MTCL1: variants seen among roughly 807,000 people sequenced by gnomAD.
MTCL1 encodes the protein microtubule crosslinking factor 1.
Under a neutral mutation model 141.4 loss-of-function variants are expected in MTCL1, and 79 were observed. The ratio of observed to expected loss-of-function variants is 0.56; its 90% CI spans 0.47 to 0.67. The LOEUF (loss-of-function observed/expected upper bound fraction) is 0.67, where lower values mean the gene tolerates loss of function less well. MTCL1 is among the 30% of genes least tolerant of loss of function. The pLI, the probability that MTCL1 is intolerant of heterozygous loss-of-function variation, is 0.00. For synonymous variants in MTCL1, 914 were observed against 875.8 expected, an observed-to-expected ratio of 1.04 and a Z score of -0.77; for missense variants, 2,177 against 2,113.9, an observed-to-expected ratio of 1.03 and a Z score of -0.59.
intron 7 of MTCL1, among the ~76,000 whole-genome samples, chr18:8,791,004 G>A (rs754053054): frequency 6.6e-6 from 1 of 152,158 alleles, no homozygotes; most frequent in African/African-American, 2.4e-5. Flanking sequence ...GACAGAGCGA[G>A]ACCCTGTCTC....
At chr18:8,782,217 A>G (rs2096534959) in intron 5 of MTCL1, 1 of 152,150 alleles carries the variant, frequency 6.6e-6, no homozygotes, top group Non-Finnish European at 1.5e-5. Context: ...TGTTCCACAG[A>G]AGGGGCGACA....
At position 8,736,965 on chromosome 18, in the gene MTCL1, T is replaced by G. The variant is rs1041143269; in HGVS notation, c.357+16469T>G. The stretch of plus-strand genomic sequence containing the variant: ...TATCCATCTATTTTTAAAGTTCCCT[T>G]GGATAAGCCCTATTATGCAAATATT... On this transcript the variant is annotated intron_variant, in intron 4 of 16. Coordinates refer to ENST00000359865, the Ensembl canonical transcript of MTCL1. 1.8e-4 allele frequency among the ~76,000 whole-genome samples: 27 copies of G among 152,160 alleles called. 1 individual carries two copies. The highest frequency in any genetic ancestry group is 4.4e-5 in the Non-Finnish European group (3 of 68,030).
rs1227085654 is a variant in MTCL1, at chr18:8,831,710, C to T, written c.*122C>T. On this transcript the variant is annotated 3_prime_UTR_variant, in exon 17 of 17. Coordinates refer to ENST00000359865, the Ensembl canonical transcript of MTCL1. ...CCGTCCCGTTGGGCCCCACATTCCC[C>T]CACTGCCTCACAGCCTCAGTCACCC... is the stretch of plus-strand genomic sequence containing the variant. 7.1e-6 allele frequency: 11 copies of T among 1,550,662 alleles called. No individual in the cohort carries two copies. The South Asian group carries it at 1.1e-4, about 15-fold the overall frequency.
chr18:8,784,468 G>T, exon 6 of MTCL1: 1 of 1,552,626 alleles, frequency 6.4e-7, no homozygotes, highest in Non-Finnish European at 8.7e-7. Flanking sequence ...AGGACTCTGA[G>T]TACCTAGTGA....
At chr18:8,789,185 CAA>C (rs1345692886) in intron 7 of MTCL1, among the ~76,000 whole-genome samples, 3 of 152,236 alleles carry the variant, frequency 2.0e-5, no homozygotes, top group African/African-American at 7.2e-5. Context: ...AGGAAGCACA[CAA>C]AGCACTCACA....
At chr18:8,793,094 G>C in exon 8 of MTCL1, 1 of 1,614,136 alleles carries the variant, frequency 6.2e-7, no homozygotes. Flanking sequence ...AGAGGAGACA[G>C]AGACATTTAC....
chr18:8,774,696 C>G (rs1372989316), intron 4 of MTCL1, among the ~76,000 whole-genome samples: 1 of 152,216 alleles, frequency 6.6e-6, no homozygotes, highest in African/African-American at 2.4e-5. Context: ...CCGTGTTGGC[C>G]AGGCCAGTGT....
chr18:8,714,038 C>A (rs2096111113), upstream of MTCL1, among the ~76,000 whole-genome samples: 1 of 152,228 alleles, frequency 6.6e-6, no homozygotes, highest in South Asian at 2.1e-4. Flanking sequence ...TTTGTGTCGT[C>A]ACTTGTCGAG....
chr18:8,717,434 C>G (rs1378197145), intron 1 of MTCL1: 2 of 152,354 alleles, frequency 1.3e-5, no homozygotes, highest in African/African-American at 4.8e-5. Flanking sequence ...AAGGTGCGAG[C>G]AGTCTCAGAC....
At chr18:8,829,284 C>T in intron 16 of MTCL1, 1 of 985,434 alleles carries the variant, frequency 1.0e-6, no homozygotes, top group Non-Finnish European at 1.2e-6. Context: ...GAGGGGACAT[C>T]CTAGGCACAG....
At chr18:8,729,671 CAAATATATATATATATATATATAT>C (rs1480849069) in intron 4 of MTCL1, among the ~76,000 whole-genome samples, 11 of 128,060 alleles carry the variant, frequency 8.6e-5, no homozygotes, top group African/African-American at 2.8e-4. Flanking sequence ...CCCAAGAAGA[CAAATATATATATATATATATATAT>C]ATATATATAT....
intron 5 of MTCL1, among the ~76,000 whole-genome samples, chr18:8,780,226 A>T (rs2096528142): frequency 6.6e-6 from 1 of 152,182 alleles, no homozygotes; most frequent in South Asian, 2.1e-4. Flanking sequence ...GTGAACAAGG[A>T]GGGACCAGGC....
intron 16 of MTCL1, chr18:8,829,148 C>T (rs2077119354): frequency 2.0e-6 from 2 of 985,356 alleles, no homozygotes; most frequent in South Asian, 4.7e-5. Flanking sequence ...CTCATCTGCT[C>T]TGCTAGAGGG....
intron 11 of MTCL1, among the ~76,000 whole-genome samples, chr18:8,808,262 A>G (rs1431586870): frequency 6.6e-6 from 1 of 152,196 alleles, no homozygotes; most frequent in Non-Finnish European, 1.5e-5. Context: ...AGAAATGACT[A>G]AGGACAGTCT....
intron 6 of MTCL1, 144 bp from the exon 6 acceptor site, chr18:8,785,792 G>C (rs2096551159): frequency 2.1e-6 from 2 of 932,982 alleles, no homozygotes; most frequent in African/African-American, 3.3e-5. Flanking sequence ...GCTGTTCTTT[G>C]GTCGTTTTCT....
Position 8,774,251 on chromosome 18 carries a change from C to T in MTCL1, c.358-3582C>T, listed in dbSNP as rs978366988. On this transcript the variant is annotated intron_variant, in intron 4 of 16. Transcript: ENST00000359865. ...CACAAACACATACACACACTCTTTTCGAATGTGTGTGTGTGTGTGTGTGTA... is the reference window on the plus strand; with the variant it reads ...CACAAACACATACACACACTCTTTTTGAATGTGTGTGTGTGTGTGTGTGTA... Among the ~76,000 whole-genome samples the T allele has an allele frequency of 2.3e-4, 24 of 104,954 alleles. No individual in the cohort carries two copies. The South Asian group carries it at 7.0e-3, about 31-fold the overall frequency. 68.9% of individuals were successfully genotyped at this position (104,954 alleles called of 152,430 possible).
chr18:8,818,939 A>G (rs2076750742), intron 12 of MTCL1, 24 bp from the exon 12 acceptor site: 2 of 1,592,194 alleles, frequency 1.3e-6, no homozygotes, highest in South Asian at 1.1e-5. Flanking sequence ...GAGGCTAATT[A>G]TTTTCATTTT....
intron 8 of MTCL1, among the ~76,000 whole-genome samples, chr18:8,794,846 A>T (rs562491125): frequency 6.6e-6 from 1 of 152,328 alleles, no homozygotes; most frequent in African/African-American, 2.4e-5. Flanking sequence ...TTATAGATTA[A>T]CTGCCTCTTT....
At chr18:8,730,882 CA>C (rs1417063213) in intron 4 of MTCL1, among the ~76,000 whole-genome samples, 3 of 152,200 alleles carry the variant, frequency 2.0e-5, no homozygotes, top group Admixed American at 6.5e-5. Flanking sequence ...GGCGTTTCAG[CA>C]TTTTACCTAC....
Sources: gnomAD v4.1 joint callset for allele counts (sites outside exome capture counted in the v4.1 genomes callset) on GRCh38, gnomAD v4.1.1 for gene constraint, MANE v1.5 for transcripts, NCBI Gene and HGNC (gene_info 2026-07-23, HGNC 2026-07-21) for gene names.